The following HSPBAP1 variants were observed in gnomAD, a reference collection of about 807,000 sequenced individuals.
HSPBAP1 encodes HSPB1 associated protein 1, also known as HSPB1-associated protein 1.
HSPBAP1 carries 27 observed loss-of-function variants against 45.2 expected under a neutral mutation model. That is an observed-to-expected ratio of 0.60 (90% CI 0.44 to 0.82). The LOEUF is 0.82. Ranked by LOEUF, HSPBAP1 falls within the 40% of genes least tolerant of loss-of-function variation. The pLI, the probability that HSPBAP1 is intolerant of heterozygous loss-of-function variation, is 0.00. For missense variants in HSPBAP1, 510 were observed against 590.9 expected (o/e 0.86, Z 1.42); for synonymous variants, 204 against 202.7 (o/e 1.01, Z -0.06).
chr3:122,788,589 G>A (rs13093464), intron 1 of HSPBAP1, among the ~76,000 whole-genome samples: 103,916 of 152,074 alleles, frequency 0.68, 36,220 homozygotes, highest in Non-Finnish European at 0.77. Context: ...ATGCTTACAC[G>A]TGCAATGGAA....
intron 1 of HSPBAP1, among the ~76,000 whole-genome samples, chr3:122,780,131 G>A (rs1469803721): frequency 1.5e-5 from 2 of 131,940 alleles, no homozygotes; most frequent in African/African-American, 5.4e-5. Flanking sequence ...CTGGCCGGGC[G>A]GGGAGCTGAC....
intron 3 of HSPBAP1, among the ~76,000 whole-genome samples, chr3:122,767,465 G>A (rs969683149): frequency 3.3e-5 from 5 of 152,062 alleles, no homozygotes; most frequent in African/African-American, 1.2e-4. Flanking sequence ...TGTGGCAGGA[G>A]AATTGCTTGA....
At chr3:122,741,418 T>G (rs1933664697) in intron 6 of HSPBAP1, 3 of 296,818 alleles carry the variant, frequency 1.0e-5, no homozygotes, top group Non-Finnish European at 1.9e-5. Flanking sequence ...TGTTTAAAGT[T>G]TTTTTTTTAA....
chr3:122,764,302 C>G (rs542731282), intron 3 of HSPBAP1, among the ~76,000 whole-genome samples: 1 of 152,320 alleles, frequency 6.6e-6, no homozygotes, highest in African/African-American at 2.4e-5. Flanking sequence ...TAGGACCCCT[C>G]AGAGAATGTT....
chr3:122,753,520 TAA>T, intron 5 of HSPBAP1: 8 of 984,362 alleles, frequency 8.1e-6, no homozygotes, highest in Non-Finnish European at 7.2e-6. Context: ...TATTAAACGT[TAA>T]GATATAAATA....
chr3:122,763,454 C>CTG (rs1215843066), intron 3 of HSPBAP1, among the ~76,000 whole-genome samples: 1 of 126,608 alleles, frequency 7.9e-6, no homozygotes, highest in East Asian at 2.1e-4. Context: ...CCCAATAAAG[C>CTG]TGTGTGTGTT....
intron 1 of HSPBAP1, among the ~76,000 whole-genome samples, chr3:122,778,525 T>C (rs1468089878): frequency 1.1e-4 from 3 of 27,530 alleles, no homozygotes; most frequent in African/African-American, 3.5e-4. Context: ...TTTTTTTTAT[T>C]TTTTTTTTTT....
rs114435146 is a variant in HSPBAP1 at position 122,751,744 on chromosome 3, C to T, written c.825+847G>A. Among the ~76,000 whole-genome samples the T allele has an allele frequency of 4.5e-3, 681 of 152,296 alleles. 7 individuals are homozygous for T. Among genetic ancestry groups the T allele is most frequent in the African/African-American group, 0.015 (644 of 41,558 alleles). ...CATGCTATAGGCGAAATTTCTGTGA[C>T]GCTACTGATCTCCTGCCATACCTCT... On this transcript the variant is annotated intron_variant, in intron 6 of 7. Coordinates refer to ENST00000306103, the MANE Select transcript of HSPBAP1 (RefSeq NM_024610.6).
chr3:122,767,017 C>A (rs1445491495), intron 3 of HSPBAP1, among the ~76,000 whole-genome samples: 1 of 151,942 alleles, frequency 6.6e-6, no homozygotes, highest in Non-Finnish European at 1.5e-5. Flanking sequence ...AGAAACATAA[C>A]AAAACACTTT....
chr3:122,788,463 G>A (rs1935720589), intron 1 of HSPBAP1, among the ~76,000 whole-genome samples: 1 of 152,074 alleles, frequency 6.6e-6, no homozygotes, highest in Non-Finnish European at 1.5e-5. Context: ...TTCCTCAAAA[G>A]TATTCTACAG....
chr3:122,743,343 G>T (rs894317190), intron 6 of HSPBAP1, among the ~76,000 whole-genome samples: 1 of 152,190 alleles, frequency 6.6e-6, no homozygotes, highest in African/African-American at 2.4e-5. Flanking sequence ...GCCAAGGCGG[G>T]TGGATCACCT....
rs765359643 is a variant in HSPBAP1 at position 122,740,506 on chromosome 3, T to G, written c.1306A>C (p.Ile436Leu). 2.5e-6 allele frequency: 4 copies of G among 1,614,244 alleles called. No individual in the cohort carries two copies. In the Admixed American group the frequency reaches 6.7e-5, roughly 27 times the overall value. ...ATTGCATTTTCACTGTTGCTCATTA[T>G]TTGTTGTCTCTTGGCACAATGCAAT... ...GKLHCAKRQQIMSNSENAIEE... is the reference protein window; with the variant it reads ...GKLHCAKRQQLMSNSENAIEE... Residue 436 changes from isoleucine (I) to leucine (L), a missense_variant, in exon 8 of 8, where the codon ATA becomes CTA. By Grantham distance (5) the Ile-to-Leu change is conservative. Coordinates refer to ENST00000306103, the MANE Select transcript of HSPBAP1 (RefSeq NM_024610.6).
At chr3:122,759,159 C>CTA in intron 4 of HSPBAP1, 65 bp downstream of exon 4, 4 of 1,530,590 alleles carry the variant, frequency 2.6e-6, no homozygotes, top group Non-Finnish European at 3.5e-6. Context: ...TCTGCCACCC[C>CTA]TATTGCATGC....
chr3:122,786,074 T>C (rs1309780531), intron 1 of HSPBAP1, among the ~76,000 whole-genome samples: 2 of 152,054 alleles, frequency 1.3e-5, no homozygotes, highest in African/African-American at 4.8e-5. Flanking sequence ...AATATGTTCA[T>C]CTTTGTGCTA....
Position 122,775,626 on chromosome 3 carries a change from A to G in HSPBAP1, c.250+2095T>C, listed in dbSNP as rs528048297. Among the ~76,000 whole-genome samples, 98 of 152,256 alleles carry G rather than the reference A, an allele frequency of 6.4e-4. 1 individual carries two copies. Among genetic ancestry groups the G allele is most frequent in the South Asian group, 2.1e-3 (10 of 4,822 alleles). On this transcript the variant is annotated intron_variant, in intron 2 of 7. Transcript: ENST00000306103. ...ACTGCGTCCGGCCTAGAATAGCTATAATTTTTAAAATGGAGTGTTGGCAAG... is the reference window on the plus strand; with the variant it reads ...ACTGCGTCCGGCCTAGAATAGCTATGATTTTTAAAATGGAGTGTTGGCAAG...
At chr3:122,791,696 A>G (rs1044930684) in intron 1 of HSPBAP1, among the ~76,000 whole-genome samples, 1 of 152,252 alleles carries the variant, frequency 6.6e-6, no homozygotes, top group Non-Finnish European at 1.5e-5. Flanking sequence ...AGGTGGTGAC[A>G]TACTTTAAAA....
intron 6 of HSPBAP1, among the ~76,000 whole-genome samples, chr3:122,742,958 T>C (rs1434069378): frequency 2.0e-5 from 3 of 152,228 alleles, no homozygotes; most frequent in Admixed American, 1.3e-4. Context: ...CATGTAAAGA[T>C]ATCTATCTAC....
rs777792485 is a variant in HSPBAP1, at chr3:122,758,849, C to G, written c.569+375G>C. 84 of 451,366 alleles carry G rather than the reference C, an allele frequency of 1.9e-4. 1 individual carries two copies. The highest frequency in any genetic ancestry group is 1.3e-3 in the South Asian group (84 of 64,084). 28.0% of individuals were successfully genotyped at this position (451,366 alleles called of 1,614,324 possible). ...GGAGCTATGATCATGCCATTGCACT[C>G]CAGCCTGGGCAACAGAGCAAGACTG... On this transcript the variant is annotated intron_variant, in intron 4 of 7. Coordinates refer to ENST00000306103, the MANE Select transcript of HSPBAP1 (RefSeq NM_024610.6).
At chr3:122,775,295 T>C (rs1001448843) in intron 2 of HSPBAP1, among the ~76,000 whole-genome samples, 1 of 152,022 alleles carries the variant, frequency 6.6e-6, no homozygotes, top group African/African-American at 2.4e-5. Flanking sequence ...TATAACTCAA[T>C]AATAAAAAGA....
Sources: allele counts gnomAD v4.1 joint callset (sites outside exome capture counted in the v4.1 genomes callset), GRCh38; gene constraint gnomAD v4.1.1; transcripts MANE v1.5; gene names NCBI Gene and HGNC (gene_info 2026-07-23, HGNC 2026-07-21).